The following SLC35F1 variants were observed in gnomAD, a reference collection of about 807,000 sequenced individuals.
SLC35F1 encodes the protein chromosome 6 open reading frame 169.
In SLC35F1, 14 loss-of-function variants were observed where a neutral mutation model predicts 48.7. That is an observed-to-expected ratio of 0.29 (90% CI 0.19 to 0.45). SLC35F1 has a LOEUF of 0.45. SLC35F1 is among the 20% of genes least tolerant of loss of function. The probability of loss-of-function intolerance (pLI) is 1.00; values close to 1 mark genes in which losing one functional copy is unlikely to be tolerated. For synonymous variants in SLC35F1, 190 were observed against 202.2 expected (o/e 0.94, Z 0.51); for missense variants, 404 against 500.0 (o/e 0.81, Z 1.83).
chr6:117,976,130 C>A (rs1224201499), intron 1 of SLC35F1, among the ~76,000 whole-genome samples: 1 of 152,174 alleles, frequency 6.6e-6, no homozygotes, highest in African/African-American at 2.4e-5. Flanking sequence ...GTGTGATCTT[C>A]TTTGTCTAGT....
Position 118,143,670 on chromosome 6 carries a change from T to G in SLC35F1, c.174-10775T>G, listed in dbSNP as rs372415136. On this transcript the variant is annotated intron_variant, in intron 1 of 7. Coordinates refer to ENST00000360388, the MANE Select transcript of SLC35F1 (RefSeq NM_001029858.4). Reference sequence around the variant, plus strand: ...CTAAATGTATCATAATGCAATTTTATAGACAAATTTAAGTAATCACTGAAA... The same window carrying G: ...CTAAATGTATCATAATGCAATTTTAGAGACAAATTTAAGTAATCACTGAAA... Among the ~76,000 whole-genome samples the G allele has an allele frequency of 7.3e-4, 111 of 152,342 alleles. 1 individual carries two copies. Among genetic ancestry groups the G allele is most frequent in the African/African-American group, 2.6e-3 (109 of 41,578 alleles).
intron 2 of SLC35F1, among the ~76,000 whole-genome samples, chr6:118,227,900 C>G (rs1775239076): frequency 6.6e-6 from 1 of 152,114 alleles, no homozygotes; most frequent in Non-Finnish European, 1.5e-5. Flanking sequence ...AAAGTTTCTT[C>G]TCTTGTCTTT....
At chr6:118,069,534 G>A (rs182589034) in intron 1 of SLC35F1, among the ~76,000 whole-genome samples, 22 of 152,220 alleles carry the variant, frequency 1.4e-4, no homozygotes, top group African/African-American at 5.3e-4. Context: ...AGGCTGGTAA[G>A]AGTTATTTTC....
chr6:118,082,286 G>A (rs866046231), intron 1 of SLC35F1, among the ~76,000 whole-genome samples: 11 of 152,278 alleles, frequency 7.2e-5, no homozygotes, highest in African/African-American at 2.4e-4. Flanking sequence ...ACAAAGTTTA[G>A]TTTTAAAGAT....
intron 1 of SLC35F1, among the ~76,000 whole-genome samples, chr6:118,024,626 TATAGTTTTCA>T (rs1336267341): frequency 6.6e-6 from 1 of 152,222 alleles, no homozygotes; most frequent in African/African-American, 2.4e-5. Flanking sequence ...AATAAATTTA[TATAGTTTTCA>T]ATAGTTTTCA....
intron 1 of SLC35F1, among the ~76,000 whole-genome samples, chr6:118,064,121 A>C (rs191562595): frequency 6.6e-6 from 1 of 152,204 alleles, no homozygotes; most frequent in East Asian, 1.9e-4. Flanking sequence ...CATGGATGGT[A>C]GCAGGCAAAA....
At chr6:118,140,577 C>G (rs1773872152) in intron 1 of SLC35F1, among the ~76,000 whole-genome samples, 1 of 144,866 alleles carries the variant, frequency 6.9e-6, no homozygotes, top group Admixed American at 7.3e-5. Context: ...TACTTTTAAT[C>G]TTTTAGAGTG....
At chr6:118,060,794 A>T (rs981164612) in intron 1 of SLC35F1, among the ~76,000 whole-genome samples, 5 of 152,212 alleles carry the variant, frequency 3.3e-5, no homozygotes, top group Admixed American at 6.5e-5. Flanking sequence ...TTTAATCCTC[A>T]TAAGACAGGG....
At position 118,183,979 on chromosome 6, in the gene SLC35F1, TTC is replaced by T. The variant is rs142751344; in HGVS notation, c.349+29366_349+29367del. 7.7e-3 allele frequency among the ~76,000 whole-genome samples: 1,172 copies of T among 152,246 alleles called. 8 individuals are homozygous for T. Among genetic ancestry groups the T allele is most frequent in the Non-Finnish European group, 0.014 (930 of 68,004 alleles). ...TATCAGGAAGCAGAGAGAAATCTGT[TTC>T]TCTCTCCACCTACCTTACAACAGCA... On this transcript the variant is annotated intron_variant, in intron 2 of 7. Coordinates refer to ENST00000360388, the MANE Select transcript of SLC35F1 (RefSeq NM_001029858.4).
chr6:118,034,358 G>A (rs1330637898), intron 1 of SLC35F1, among the ~76,000 whole-genome samples: 2 of 152,036 alleles, frequency 1.3e-5, no homozygotes, highest in East Asian at 1.9e-4. Flanking sequence ...AGGAGTTCGA[G>A]ACCAGCCTGG....
intron 1 of SLC35F1, among the ~76,000 whole-genome samples, chr6:118,102,248 A>ACTTGTC (rs1773268588): frequency 1.3e-5 from 2 of 152,172 alleles, no homozygotes; most frequent in African/African-American, 4.8e-5. Context: ...CAGTGGTGCA[A>ACTTGTC]TCATGTCTCA....
chr6:117,944,389 C>G lies in SLC35F1; in HGVS notation c.173+36490C>G, dbSNP rs184596902. On this transcript the variant is annotated intron_variant, in intron 1 of 7. Transcript: ENST00000360388. ...CAAAATATCCCACTTTGTTGCCAAA[C>G]ATAGTATAAATTTGGTTGTTAGGCT... Among the ~76,000 whole-genome samples the G allele has an allele frequency of 2.0e-5, 3 of 152,100 alleles. No individual in the cohort carries two copies. In the East Asian group the frequency reaches 5.8e-4, roughly 29 times the overall value.
intron 3 of SLC35F1, among the ~76,000 whole-genome samples, chr6:118,259,229 T>A (rs1775682814): frequency 6.6e-6 from 1 of 151,936 alleles, no homozygotes; most frequent in African/African-American, 2.4e-5. Flanking sequence ...AAAAAGATAA[T>A]GTACAAATTG....
chr6:118,076,719 GT>G (rs1364787140), intron 1 of SLC35F1, among the ~76,000 whole-genome samples: 6 of 152,164 alleles, frequency 3.9e-5, no homozygotes, highest in Admixed American at 3.9e-4. Flanking sequence ...ACCGTTATCA[GT>G]TGGTTAAATA....
chr6:118,219,072 G>A (rs1228685935), intron 2 of SLC35F1, among the ~76,000 whole-genome samples: 1 of 152,072 alleles, frequency 6.6e-6, no homozygotes, highest in African/African-American at 2.4e-5. Flanking sequence ...GGACCTTTAG[G>A]TTTTGTCATT....
chr6:118,291,956 A>G (rs550849401), intron 7 of SLC35F1, among the ~76,000 whole-genome samples: 12 of 152,152 alleles, frequency 7.9e-5, no homozygotes, highest in African/African-American at 2.9e-4. Flanking sequence ...CGTCTCTACT[A>G]AAAATACAAA....
At chr6:117,960,392 C>T (rs1371457488) in intron 1 of SLC35F1, among the ~76,000 whole-genome samples, 2 of 151,758 alleles carry the variant, frequency 1.3e-5, no homozygotes. Context: ...CCTAACATTG[C>T]CACCTGACAA....
At chr6:117,952,050 G>A (rs892450094) in intron 1 of SLC35F1, among the ~76,000 whole-genome samples, 1 of 152,210 alleles carries the variant, frequency 6.6e-6, no homozygotes, top group African/African-American at 2.4e-5. Context: ...GCAGCCATCT[G>A]CTGCAGCATT....
chr6:118,037,628 A>G (rs1014973560), intron 1 of SLC35F1, among the ~76,000 whole-genome samples: 2 of 152,152 alleles, frequency 1.3e-5, no homozygotes, highest in Non-Finnish European at 2.9e-5. Context: ...CCAAATGCCC[A>G]TCAGTGATAG....
Sources: gnomAD v4.1 joint callset for allele counts (sites outside exome capture counted in the v4.1 genomes callset) on GRCh38, gnomAD v4.1.1 for gene constraint, MANE v1.5 for transcripts, NCBI Gene and HGNC (gene_info 2026-07-23, HGNC 2026-07-21) for gene names.